Variants in NUP42 observed in about 807,000 individuals in gnomAD.
NUP42 encodes the protein nucleoporin NUP42.
In NUP42, 47 loss-of-function variants were observed where a neutral mutation model predicts 35.9. That is an observed-to-expected ratio of 1.31 (90% CI 1.04 to 1.67). The LOEUF (loss-of-function observed/expected upper bound fraction) is 1.67. NUP42 is among the 40% of genes most tolerant of loss of function. The pLI is 0.00. For synonymous variants in NUP42, 173 were observed against 173.3 expected, an observed-to-expected ratio of 1.00 and a Z score of 0.01; for missense variants, 514 against 492.2, an observed-to-expected ratio of 1.04 and a Z score of -0.42.
At chr7:23,195,968 T>C in intron 4 of NUP42, 53 bp downstream of exon 4, 1 of 1,129,238 alleles carries the variant, frequency 8.9e-7, no homozygotes, top group South Asian at 1.4e-5. Context: ...TCTTAATTAC[T>C]GCTTTCTTTA....
chr7:23,187,091 A>G lies in NUP42; in HGVS notation c.390A>G (p.Ser130=), dbSNP rs779435125. Residue 130 remains serine, a synonymous_variant, in exon 3 of 7, where the codon TCA becomes TCG. Transcript: ENST00000258742. ...IVKDMEVWES[S]GQWMFSVYSP... is the part of the protein sequence containing the mutation. The stretch of plus-strand genomic sequence containing the variant: ...AAGATATGGAGGTTTGGGAATCATC[A>G]GGGCAGTGGATGTTTTCTGTTTATT... The G allele has an allele frequency of 8.1e-6, 13 of 1,608,562 alleles. No individual in the cohort carries two copies. The highest frequency in any genetic ancestry group is 1.3e-5 in the African/African-American group (1 of 74,646).
rs1387730867 is a variant in NUP42, at chr7:23,185,106, G to C, written c.158G>C (p.Arg53Thr). The C allele has an allele frequency of 6.2e-7, 1 of 1,614,046 alleles. No homozygotes were observed. The highest frequency in any genetic ancestry group is 1.1e-5 in the South Asian group (1 of 91,070). The change falls in exon 2 of 7, where the codon AGA (arginine) becomes ACA (threonine). Residue 53 changes from arginine to threonine, a missense_variant. Physicochemically the swap from Arg to Thr is moderately conservative, Grantham distance 71. Transcript: ENST00000258742. ...NRRGWNTTSQ[R>T]YSNVIQPSSF... is the part of the protein sequence containing the mutation. ...CGTGGATGGAATACAACTAGCCAGA[G>C]ATATTCCAATGTCATCCAGCCATCC...
rs13243961 is a variant in NUP42 at position 23,200,644 on chromosome 7, G to A, written c.1171G>A (p.Asp391Asn). ...AGATAATGTGTTATTCACACCCAGA[G>A]ATAAACTAACAGTAGAAGAACTGGA... ...ATDNVLFTPR[D>N]KLTVEELEQF... The change falls in exon 7 of 7, where the codon GAT (aspartate) becomes AAT (asparagine). Residue 391 changes from aspartate (D) to asparagine (N), a missense_variant. Coordinates refer to ENST00000258742, the MANE Select transcript of NUP42 (RefSeq NM_007342.3). 145,012 of 1,613,296 alleles carry A rather than the reference G, an allele frequency of 0.09. 7,503 individuals carry two copies. The highest frequency in any genetic ancestry group is 0.17 in the Admixed American group (9,955 of 59,872).
chr7:23,186,154 T>C (rs995495442), intron 2 of NUP42, among the ~76,000 whole-genome samples: 4 of 152,372 alleles, frequency 2.6e-5, no homozygotes, highest in Admixed American at 6.5e-5. Flanking sequence ...AGAATATTTA[T>C]GGTAAAATTT....
intron 1 of NUP42, among the ~76,000 whole-genome samples, chr7:23,184,645 G>A (rs1285208555): frequency 5.3e-5 from 8 of 152,274 alleles, no homozygotes; most frequent in African/African-American, 1.4e-4. Context: ...GAGTTTAAAT[G>A]TAGTGCTTGT....
Position 23,188,565 on chromosome 7 carries a change from A to G in NUP42, c.445+1419A>G, listed in dbSNP as rs542167535. 7.8e-5 allele frequency: 76 copies of G among 979,520 alleles called. No homozygotes were observed. In the African/African-American group the frequency reaches 1.2e-3, roughly 16 times the overall value. The allele number at this position is 979,520 out of a possible 1,614,324, so 60.7% of individuals were successfully genotyped here. A position where few individuals can be genotyped will look rare whatever the true frequency, so the allele number is the denominator to read the frequency against. ...CCTGAATATAGTTGTCAGATAAAAT[A>G]TGGGACATCCGGTTAAATTTAAATT... On this transcript the variant is annotated intron_variant, in intron 3 of 6. Coordinates refer to ENST00000258742, the MANE Select transcript of NUP42 (RefSeq NM_007342.3).
At position 23,188,576 on chromosome 7, in the gene NUP42, G is replaced by A. The variant is rs953893613; in HGVS notation, c.445+1430G>A. The stretch of plus-strand genomic sequence containing the variant: ...TTGTCAGATAAAATATGGGACATCC[G>A]GTTAAATTTAAATTTCAGATAAACA... On this transcript the variant is annotated intron_variant, in intron 3 of 6. Transcript: ENST00000258742. 13 of 972,084 alleles carry A rather than the reference G, an allele frequency of 1.3e-5. No individual in the cohort carries two copies. In the African/African-American group the frequency reaches 1.9e-4, roughly 14 times the overall value. The allele number at this position is 972,084 out of a possible 1,614,324, so 60.2% of individuals were successfully genotyped here.
At chr7:23,185,361 T>C (rs761135615) in intron 2 of NUP42, 63 bp downstream of exon 2, 47 of 1,098,022 alleles carry the variant, frequency 4.3e-5, no homozygotes, top group East Asian at 9.5e-5. Context: ...CTACAATCTT[T>C]GTTGTTTCTC....
intron 3 of NUP42, among the ~76,000 whole-genome samples, chr7:23,189,025 T>A (rs1036068515): frequency 6.6e-6 from 1 of 152,260 alleles, no homozygotes; most frequent in Non-Finnish European, 1.5e-5. Context: ...TTTAGTATTC[T>A]GTGTGACAAA....
chr7:23,195,850 A>G lies in NUP42; in HGVS notation c.457A>G (p.Ile153Val), dbSNP rs141747889. The G allele has an allele frequency of 9.5e-4, 1,515 of 1,599,588 alleles. 2 individuals are homozygous for G. The highest frequency in any genetic ancestry group is 2.1e-3 in the Admixed American group (123 of 57,604). Residue 153 changes from isoleucine (I) to valine (V), a missense_variant, in exon 4 of 7, where the codon ATT becomes GTT. Ile to Val is a conservative substitution (Grantham distance 29, BLOSUM62 3). Transcript: ENST00000258742. ...KKPNISGFTDISPEELRLEYH... is the reference protein window; with the variant it reads ...KKPNISGFTDVSPEELRLEYH... ...ATTCCTCACTTCAGGTTTTACAGAC[A>G]TTTCACCAGAGGAATTGAGGCTTGA... is the stretch of plus-strand genomic sequence containing the variant.
At chr7:23,187,926 AATATTCT>A in intron 3 of NUP42, 4 of 535,186 alleles carry the variant, frequency 7.5e-6, no homozygotes, top group East Asian at 6.8e-5. Context: ...TTTGCTTTAG[AATATTCT>A]CTGTCTCTCT....
At chr7:23,184,261 T>C (rs1785516592) in intron 1 of NUP42, among the ~76,000 whole-genome samples, 3 of 152,148 alleles carry the variant, frequency 2.0e-5, no homozygotes, top group Admixed American at 6.5e-5. Context: ...CTGCGTCAAA[T>C]AGACTTAAGC....
At chr7:23,188,175 G>T in intron 3 of NUP42, 2 of 1,160,192 alleles carry the variant, frequency 1.7e-6, no homozygotes, top group Non-Finnish European at 2.1e-6. Context: ...CAGAACCTTG[G>T]GATCTTTCCT....
chr7:23,183,002 G>A (rs1785468630), intron 1 of NUP42, among the ~76,000 whole-genome samples: 1 of 152,126 alleles, frequency 6.6e-6, no homozygotes, highest in African/African-American at 2.4e-5. Context: ...CATAAATTTG[G>A]GGTGAAATTG....
chr7:23,183,538 C>T (rs1244900238), intron 1 of NUP42, among the ~76,000 whole-genome samples: 1 of 152,002 alleles, frequency 6.6e-6, no homozygotes, highest in Non-Finnish European at 1.5e-5. Context: ...ACCTTTAAAC[C>T]TTGTATTGCG....
At chr7:23,195,683 A>G (rs1396241803) in intron 3 of NUP42, 156 bp from the exon 4 acceptor site, 14 of 533,338 alleles carry the variant, frequency 2.6e-5, no homozygotes, top group Non-Finnish European at 4.2e-5. Context: ...TTTACACTTT[A>G]TTAAACATTA....
intron 5 of NUP42, 115 bp from the exon 6 acceptor site, chr7:23,199,343 C>A: frequency 1.2e-6 from 1 of 816,108 alleles, no homozygotes; most frequent in Non-Finnish European, 2.1e-6. Context: ...TGAGCCACCA[C>A]ACCCAGCCTT....
intron 5 of NUP42, among the ~76,000 whole-genome samples, chr7:23,197,529 C>T (rs1372272112): frequency 6.6e-6 from 1 of 152,142 alleles, no homozygotes; most frequent in African/African-American, 2.4e-5. Flanking sequence ...TTTAGTGGGA[C>T]CTCTTGGAAG....
At chr7:23,192,341 C>T (rs548283976) in intron 3 of NUP42, among the ~76,000 whole-genome samples, 2 of 151,848 alleles carry the variant, frequency 1.3e-5, no homozygotes, top group South Asian at 2.1e-4. Context: ...GTCAGGAGTT[C>T]GAGACCAACC....
Sources: allele counts gnomAD v4.1 joint callset (sites outside exome capture counted in the v4.1 genomes callset), GRCh38; gene constraint gnomAD v4.1.1; transcripts MANE v1.5; gene names NCBI Gene and HGNC (gene_info 2026-07-23, HGNC 2026-07-21).